The following DNM1L variants were observed in gnomAD, a reference collection of about 807,000 sequenced individuals.
DNM1L encodes the protein dynamin-1-like protein.
DNM1L carries 33 observed loss-of-function variants against 92.8 expected under a neutral mutation model. The ratio of observed to expected loss-of-function variants is 0.36; its 90% CI spans 0.27 to 0.48. DNM1L has a LOEUF of 0.48. Ranked by LOEUF, DNM1L falls within the 20% of genes least tolerant of loss-of-function variation. The probability of loss-of-function intolerance (pLI) is 0.99; values close to 1 mark genes in which losing one functional copy is unlikely to be tolerated. For missense variants in DNM1L, 485 were observed against 888.8 expected (o/e 0.55, Z 5.78); for synonymous variants, 284 against 305.0 (o/e 0.93, Z 0.72).
intron 6 of DNM1L, among the ~76,000 whole-genome samples, chr12:32,714,270 ATTTTTTTTTT>A (rs764641583): frequency 2.7e-4 from 36 of 134,618 alleles, no homozygotes; most frequent in Non-Finnish European, 4.9e-4. Flanking sequence ...CACTTTAACA[ATTTTTTTTTT>A]TTTTTTTTTT....
In DNM1L at chr12:32,744,973, A is replaced by G. The variant is rs1309164227; in HGVS notation, c.*1563A>G. On this transcript the variant is annotated 3_prime_UTR_variant, in exon 20 of 20. Coordinates refer to ENST00000549701, the MANE Select transcript of DNM1L (RefSeq NM_012062.5). Reference sequence around the variant, plus strand: ...CTTTTTTTTCAGTTTATGACCAGGTATTTATGAAGGACTATTGGCAGGGAA... The same window carrying G: ...CTTTTTTTTCAGTTTATGACCAGGTGTTTATGAAGGACTATTGGCAGGGAA... The G allele has an allele frequency of 1.9e-6, 1 of 518,692 alleles. No individual in the cohort carries two copies. The highest frequency in any genetic ancestry group is 1.9e-5 in the Admixed American group (1 of 51,512). The allele number at this position is 518,692 out of a possible 1,614,324, so 32.1% of individuals were successfully genotyped here.
chr12:32,740,331 C>G lies in DNM1L; in HGVS notation c.1885-78C>G, dbSNP rs1290211912. ...CAGAAAGAACTAAAAGTCTCAAAAA[C>G]TTACATAACTTTCAGATGTTAAAGC... On this transcript the variant is annotated intron_variant, in intron 17 of 19. Transcript: ENST00000549701. The G allele has an allele frequency of 1.9e-6, 3 of 1,610,156 alleles. No individual in the cohort carries two copies. In the African/African-American group the frequency reaches 4.0e-5, roughly 22 times the overall value.
intron 13 of DNM1L, among the ~76,000 whole-genome samples, chr12:32,734,993 C>T (rs1057308355): frequency 6.6e-6 from 1 of 152,100 alleles, no homozygotes; most frequent in African/African-American, 2.4e-5. Flanking sequence ...CATGAGTAGG[C>T]ACTTCAAAAC....
At chr12:32,685,853 C>G (rs78150814) in intron 1 of DNM1L, among the ~76,000 whole-genome samples, 4 of 151,846 alleles carry the variant, frequency 2.6e-5, no homozygotes, top group Non-Finnish European at 5.9e-5. Flanking sequence ...GTCCCTCTCT[C>G]TTTTTTTTCT....
rs138048932 is a variant in DNM1L at position 32,720,685 on chromosome 12, C to G, written c.762C>G (p.Asn254Lys). The change falls in exon 8 of 20, where the codon AAC becomes AAG. Residue 254 changes from asparagine (N) to lysine (K), a missense_variant. Asn to Lys is a moderately conservative substitution (Grantham distance 94). This residue lies in a region of DNM1L where 159 missense variants were observed against 275.9 expected (regional missense o/e 0.58). Coordinates refer to ENST00000549701, the MANE Select transcript of DNM1L (RefSeq NM_012062.5). ...TCAGGAGCCAGCTAGATATTAACAACAAGAAGAGTGTAACTGATTCAATCC... is the reference window on the plus strand; with the variant it reads ...TCAGGAGCCAGCTAGATATTAACAAGAAGAAGAGTGTAACTGATTCAATCC... ...VVNRSQLDIN[N>K]KKSVTDSIRD... is the part of the protein sequence containing the mutation. 2.6e-5 allele frequency: 42 copies of G among 1,613,778 alleles called. 1 individual carries two copies. Among genetic ancestry groups the G allele is most frequent in the Middle Eastern group, 3.3e-4 (2 of 6,052 alleles).
intron 5 of DNM1L, chr12:32,711,224 C>A: frequency 1.9e-6 from 1 of 520,484 alleles, no homozygotes; most frequent in East Asian, 3.5e-5. Context: ...CTGGCCACTC[C>A]TTTTCAGTCT....
rs869170631 is a variant in DNM1L at position 32,724,593 on chromosome 12, AATATATAT to A, written c.1079+1980_1079+1987del. On this transcript the variant is annotated intron_variant, in intron 9 of 19. Transcript: ENST00000549701. ...TCTATCTCCAAAAAAAAAAAAAAAAAATATATATATATATATATATATATATAAATTAT... is the reference window on the plus strand; with the variant it reads ...TCTATCTCCAAAAAAAAAAAAAAAAAATATATATATATATATATAAATTAT... 9.4e-3 allele frequency among the ~76,000 whole-genome samples: 624 copies of A among 66,600 alleles called. 4 individuals carry two copies. The highest frequency in any genetic ancestry group is 0.017 in the Middle Eastern group (2 of 116). The allele number at this position is 66,600 out of a possible 152,430, so 43.7% of individuals were successfully genotyped here. A position where few individuals can be genotyped will look rare whatever the true frequency, so the allele number is the denominator to read the frequency against.
intron 9 of DNM1L, chr12:32,725,805 AT>A (rs1954090891): frequency 6.6e-6 from 1 of 152,188 alleles, no homozygotes; most frequent in Admixed American, 6.6e-5. Flanking sequence ...GGGTTTCACC[AT>A]GTTGGTCAGG....
chr12:32,740,259 GT>G lies in DNM1L; in HGVS notation c.1884+22del. The G allele has an allele frequency of 6.2e-7, 1 of 1,614,188 alleles. No individual in the cohort carries two copies. Among genetic ancestry groups the G allele is most frequent in the Non-Finnish European group, 8.5e-7 (1 of 1,180,034 alleles). ...AGATGTGGTAAGCCATGACAATTTG[GT>G]TTAGGTAATAAGGTAGGTGACCAAG... On this transcript the variant is annotated intron_variant, in intron 17 of 19. Coordinates refer to ENST00000549701, the MANE Select transcript of DNM1L (RefSeq NM_012062.5).
At chr12:32,725,313 G>C (rs1023930384) in intron 9 of DNM1L, 2 of 152,150 alleles carry the variant, frequency 1.3e-5, no homozygotes, top group Non-Finnish European at 2.9e-5. Context: ...CTTGAAAACA[G>C]GTCTTGTCAA....
rs748628452 is a variant in DNM1L at position 32,679,307 on chromosome 12, C to T, written c.-57C>T. The stretch of plus-strand genomic sequence containing the variant: ...AGGAGGAAGGAGGCGAACTGTGGGC[C>T]CCGGCCCCATTCATTGCCGTGGCCG... On this transcript the variant is annotated 5_prime_UTR_variant, in exon 1 of 20. Transcript: ENST00000549701. The T allele has an allele frequency of 1.1e-5, 14 of 1,246,178 alleles. No homozygotes were observed. Among genetic ancestry groups the T allele is most frequent in the East Asian group, 9.4e-5 (4 of 42,674 alleles). The allele number at this position is 1,246,178 out of a possible 1,614,324, so 77.2% of individuals were successfully genotyped here. A position where few individuals can be genotyped will look rare whatever the true frequency, so the allele number is the denominator to read the frequency against.
chr12:32,717,265 TA>T (rs1953447923), intron 6 of DNM1L, among the ~76,000 whole-genome samples: 1 of 103,634 alleles, frequency 9.6e-6, no homozygotes, highest in Non-Finnish European at 1.8e-5. Context: ...ATAGTATATA[TA>T]TACTATATAT....
At position 32,724,589 on chromosome 12, in the gene DNM1L, AAAAAATAT is replaced by A. The variant is rs1223418406; in HGVS notation, c.1079+1958_1079+1965del. On this transcript the variant is annotated intron_variant, in intron 9 of 19. Transcript: ENST00000549701. Reference sequence around the variant, plus strand: ...AGACTCTATCTCCAAAAAAAAAAAAAAAAAATATATATATATATATATATATATATAAA... The same window carrying A: ...AGACTCTATCTCCAAAAAAAAAAAAAATATATATATATATATATATATAAA... Among the ~76,000 whole-genome samples, 661 of 80,678 alleles carry A rather than the reference AAAAAATAT, an allele frequency of 8.2e-3. 4 individuals are homozygous for A. Among genetic ancestry groups the A allele is most frequent in the African/African-American group, 0.021 (498 of 23,912 alleles). 52.9% of individuals were successfully genotyped at this position (80,678 alleles called of 152,430 possible). A position where few individuals can be genotyped will look rare whatever the true frequency, so the allele number is the denominator to read the frequency against.
chr12:32,687,911 A>C (rs1032386083), intron 1 of DNM1L, among the ~76,000 whole-genome samples: 29 of 152,108 alleles, frequency 1.9e-4, no homozygotes, highest in African/African-American at 7.0e-4. Flanking sequence ...CTTGTCATTC[A>C]ATATGAATTT....
At chr12:32,734,398 C>T (rs1954741622) in intron 13 of DNM1L, among the ~76,000 whole-genome samples, 1 of 152,140 alleles carries the variant, frequency 6.6e-6, no homozygotes, top group Admixed American at 6.5e-5. Flanking sequence ...TCAGTAAGAC[C>T]TGAGTCCCCT....
chr12:32,717,323 CTATATATTTTATATATACTATATAT>C (rs1203571048), intron 6 of DNM1L, among the ~76,000 whole-genome samples: 7 of 62,284 alleles, frequency 1.1e-4, no homozygotes, highest in African/African-American at 5.1e-4. Flanking sequence ...TATATATACA[CTATATATTTTATATATACTATATAT>C]TATATATAGT....
intron 1 of DNM1L, among the ~76,000 whole-genome samples, chr12:32,699,087 T>C (rs1952590002): frequency 6.6e-6 from 1 of 152,020 alleles, no homozygotes; most frequent in African/African-American, 2.4e-5. Flanking sequence ...GCCTTGTTCT[T>C]AGGAGATGCA....
At chr12:32,737,344 T>C (rs1954959520) in intron 14 of DNM1L, 183 bp downstream of exon 14, 1 of 581,256 alleles carries the variant, frequency 1.7e-6, no homozygotes, top group Non-Finnish European at 3.0e-6. Context: ...TAATAGTATT[T>C]TGAATTCACT....
intron 19 of DNM1L, 31 bp from the exon 20 acceptor site, chr12:32,743,323 A>T (rs768769869): frequency 6.3e-7 from 1 of 1,598,636 alleles, no homozygotes; most frequent in Non-Finnish European, 8.6e-7. Flanking sequence ...CTTTATAATA[A>T]GCATTTAAAA....
Sources: gnomAD v4.1 joint callset for allele counts (sites outside exome capture counted in the v4.1 genomes callset) on GRCh38, gnomAD v4.1.1 for gene constraint, gnomAD v4.1.1 regional missense constraint, MANE v1.5 for transcripts, NCBI Gene and HGNC (gene_info 2026-07-23, HGNC 2026-07-21) for gene names.